CSMD1: variants seen among roughly 807,000 people sequenced by gnomAD.
The protein encoded by CSMD1 is CUB and Sushi multiple domains 1.
Under a neutral mutation model 417.5 loss-of-function variants are expected in CSMD1, and 213 were observed. The observed-to-expected ratio is 0.51, with a 90% CI of 0.46 to 0.57. CSMD1 has a LOEUF of 0.57. CSMD1 is among the 20% of genes least tolerant of loss of function. The pLI, the probability that CSMD1 is intolerant of heterozygous loss-of-function variation, is 0.00. For missense variants in CSMD1, 6,923 were observed against 4,529.7 expected, an observed-to-expected ratio of 1.53 and a Z score of -15.17; for synonymous variants, 2,862 against 1,736.8, an observed-to-expected ratio of 1.65 and a Z score of -16.11.
intron 25 of CSMD1, among the ~76,000 whole-genome samples, chr8:3,300,187 A>T (rs1235633430): frequency 6.6e-6 from 1 of 152,226 alleles, no homozygotes; most frequent in Non-Finnish European, 1.5e-5. Flanking sequence ...CATGTTTATT[A>T]ACTCAAAATA....
chr8:3,762,924 C>G (rs189142362), intron 5 of CSMD1, among the ~76,000 whole-genome samples: 1 of 151,902 alleles, frequency 6.6e-6, no homozygotes, highest in South Asian at 2.1e-4. Context: ...CACCTGCCTA[C>G]GCCCCACAGA....
chr8:2,999,594 C>T (rs908614828), intron 53 of CSMD1, among the ~76,000 whole-genome samples: 1 of 152,180 alleles, frequency 6.6e-6, no homozygotes, highest in Non-Finnish European at 1.5e-5. Flanking sequence ...CCAGCAGACC[C>T]AGACTCTGCA....
intron 3 of CSMD1, among the ~76,000 whole-genome samples, chr8:4,273,254 G>A (rs1033675035): frequency 2.6e-5 from 4 of 152,076 alleles, no homozygotes; most frequent in African/African-American, 9.7e-5. Flanking sequence ...AAGGCAATGA[G>A]CATATTTGTA....
At chr8:3,507,619 C>T (rs916200096) in intron 10 of CSMD1, among the ~76,000 whole-genome samples, 2 of 152,164 alleles carry the variant, frequency 1.3e-5, no homozygotes, top group African/African-American at 4.8e-5. Flanking sequence ...ACATTCCCAC[C>T]AACAGTGTAA....
intron 8 of CSMD1, among the ~76,000 whole-genome samples, chr8:3,600,312 G>A (rs1385369394): frequency 6.6e-6 from 1 of 152,204 alleles, no homozygotes; most frequent in Non-Finnish European, 1.5e-5. Context: ...GGCATTTAAT[G>A]CTGTTGAAGG....
At chr8:3,283,106 G>C (rs1584926303) in intron 26 of CSMD1, among the ~76,000 whole-genome samples, 2 of 152,254 alleles carry the variant, frequency 1.3e-5, no homozygotes, top group South Asian at 4.1e-4. Flanking sequence ...TAGTTCACGT[G>C]TGCAGATGTG....
At chr8:3,254,362 C>A (rs780372278) in intron 26 of CSMD1, among the ~76,000 whole-genome samples, 1 of 152,060 alleles carries the variant, frequency 6.6e-6, no homozygotes, top group East Asian at 1.9e-4. Flanking sequence ...CTTAGAGTTA[C>A]TCTTCTCGAG....
chr8:4,672,795 C>T (rs1237453706), intron 1 of CSMD1, among the ~76,000 whole-genome samples: 1 of 151,928 alleles, frequency 6.6e-6, no homozygotes, highest in Non-Finnish European at 1.5e-5. Context: ...CACATACTTA[C>T]ACTCACATGC....
chr8:4,900,171 A>T (rs1420585435), intron 1 of CSMD1, among the ~76,000 whole-genome samples: 1 of 152,026 alleles, frequency 6.6e-6, no homozygotes, highest in Non-Finnish European at 1.5e-5. Context: ...ACCTCACCAC[A>T]TTCAAGTCCC....
At chr8:3,485,495 G>T (rs1230814856) in intron 11 of CSMD1, among the ~76,000 whole-genome samples, 1 of 149,314 alleles carries the variant, frequency 6.7e-6, no homozygotes, top group Non-Finnish European at 1.5e-5. Flanking sequence ...AACTTAAACA[G>T]GTAGTGAAAT....
intron 1 of CSMD1, among the ~76,000 whole-genome samples, chr8:4,908,642 G>C (rs1232722352): frequency 1.3e-5 from 2 of 150,898 alleles, no homozygotes; most frequent in African/African-American, 2.4e-5. Context: ...ATTCAGTCTA[G>C]CAATGAGTCC....
intron 11 of CSMD1, among the ~76,000 whole-genome samples, chr8:3,474,682 G>C (rs1479158029): frequency 1.3e-5 from 2 of 152,082 alleles, no homozygotes; most frequent in Non-Finnish European, 2.9e-5. Context: ...TTGGTATACA[G>C]AGTTTTACTT....
At position 2,978,463 on chromosome 8, in the gene CSMD1, C is replaced by T. The variant is rs538830582; in HGVS notation, c.8566+149G>A. ...ATTTGGTGATTTCTGGCCACTCGAT[C>T]TACAGCTATCATAAAAACTCCTACA... On this transcript the variant is annotated intron_variant, in intron 55 of 69. Transcript: ENST00000635120. The T allele has an allele frequency of 2.0e-5, 13 of 644,146 alleles. No individual in the cohort carries two copies. In the East Asian group the frequency reaches 2.2e-4, roughly 11 times the overall value. 39.9% of individuals were successfully genotyped at this position (644,146 alleles called of 1,614,324 possible). A position where few individuals can be genotyped will look rare whatever the true frequency, so the allele number is the denominator to read the frequency against.
At chr8:3,522,197 T>C (rs1438178136) in intron 10 of CSMD1, among the ~76,000 whole-genome samples, 1 of 152,204 alleles carries the variant, frequency 6.6e-6, no homozygotes, top group Non-Finnish European at 1.5e-5. Context: ...CGTTATATGA[T>C]TAAATTTTTT....
In CSMD1 at chr8:4,956,557, C is replaced by T. The variant is rs146270808; in HGVS notation, c.85+37775G>A. Among the ~76,000 whole-genome samples, 635 of 149,276 alleles carry T rather than the reference C, an allele frequency of 4.3e-3. 7 individuals carry two copies. The highest frequency in any genetic ancestry group is 0.014 in the African/African-American group (573 of 40,890). Reference sequence around the variant, plus strand: ...TATAAAATATATGTGTATATCATAACATATAATATATTTAAAATACATGTG... The same window carrying T: ...TATAAAATATATGTGTATATCATAATATATAATATATTTAAAATACATGTG... On this transcript the variant is annotated intron_variant, in intron 1 of 69. Transcript: ENST00000635120.
intron 5 of CSMD1, among the ~76,000 whole-genome samples, chr8:3,994,746 C>T (rs1194046815): frequency 6.6e-6 from 1 of 152,188 alleles, no homozygotes; most frequent in Admixed American, 6.5e-5. Context: ...TTTAGACTGC[C>T]TCCACTGCTG....
At chr8:4,798,532 T>C (rs1456074419) in intron 1 of CSMD1, among the ~76,000 whole-genome samples, 1 of 152,214 alleles carries the variant, frequency 6.6e-6, no homozygotes, top group African/African-American at 2.4e-5. Context: ...CAGGTTAGTA[T>C]CTGACAACTA....
intron 5 of CSMD1, among the ~76,000 whole-genome samples, chr8:3,903,878 A>T (rs905882686): frequency 2.5e-4 from 37 of 149,812 alleles, no homozygotes; most frequent in African/African-American, 9.1e-4. Flanking sequence ...CCATATATAT[A>T]TATTTTTTTA....
intron 46 of CSMD1, among the ~76,000 whole-genome samples, 158 bp downstream of exon 46, chr8:3,106,370 C>T (rs572920931): frequency 6.6e-6 from 1 of 152,206 alleles, no homozygotes; most frequent in Admixed American, 6.5e-5. Context: ...TGTACTCCCA[C>T]CTGGGTGACA....
Sources: gnomAD v4.1 joint callset for allele counts (sites outside exome capture counted in the v4.1 genomes callset) on GRCh38, gnomAD v4.1.1 for gene constraint, MANE v1.5 for transcripts, NCBI Gene and HGNC (gene_info 2026-07-23, HGNC 2026-07-21) for gene names.